The following C1orf146 variants were observed in gnomAD, a reference collection of about 807,000 sequenced individuals.
The protein encoded by C1orf146 is protein SPO16 homolog.
In C1orf146, 22 loss-of-function variants were observed where a neutral mutation model predicts 23.0. The observed-to-expected ratio is 0.96, with a 90% CI of 0.68 to 1.36. The LOEUF (loss-of-function observed/expected upper bound fraction) is 1.36. Among genes scored for constraint, C1orf146 ranks in the 40% most tolerant of loss-of-function variants. C1orf146 has a pLI of 0.00. For synonymous variants in C1orf146, 59 were observed against 65.3 expected (o/e 0.90, Z 0.47); for missense variants, 199 against 206.8 (o/e 0.96, Z 0.23).
intron 2 of C1orf146, among the ~76,000 whole-genome samples, chr1:92,237,519 G>T (rs575935714): frequency 2.6e-3 from 395 of 152,300 alleles, no homozygotes; most frequent in African/African-American, 9.1e-3. Context: ...TGCCCCTACT[G>T]GGGGGTGCCT....
intron 1 of C1orf146, among the ~76,000 whole-genome samples, chr1:92,226,079 G>T (rs1194451055): frequency 2.0e-5 from 3 of 152,130 alleles, no homozygotes; most frequent in African/African-American, 7.2e-5. Context: ...GTGATTTTTA[G>T]TACATCCACT....
intron 1 of C1orf146, among the ~76,000 whole-genome samples, chr1:92,228,265 A>G (rs983897501): frequency 1.1e-4 from 17 of 152,120 alleles, no homozygotes; most frequent in African/African-American, 3.6e-4. Flanking sequence ...AAATGCTCCA[A>G]TTGTCATATA....
intron 3 of C1orf146, among the ~76,000 whole-genome samples, chr1:92,243,472 C>T (rs939211971): frequency 1.4e-4 from 21 of 152,102 alleles, no homozygotes; most frequent in Non-Finnish European, 2.9e-5. Context: ...TCAGCCTCCT[C>T]AGTAGCTGTG....
At chr1:92,239,951 A>C (rs1038788264) in intron 2 of C1orf146, among the ~76,000 whole-genome samples, 8 of 152,158 alleles carry the variant, frequency 5.3e-5, no homozygotes, top group Non-Finnish European at 7.3e-5. Flanking sequence ...GTTGTATCCT[A>C]TACATCTAGA....
chr1:92,245,735 T>C lies in C1orf146; in HGVS notation c.*61T>C, dbSNP rs1046404582. 1.0e-6 allele frequency: 1 copy of C among 985,430 alleles called. No homozygotes were observed. Among genetic ancestry groups the C allele is most frequent in the African/African-American group, 1.7e-5 (1 of 59,230 alleles). 61.0% of individuals were successfully genotyped at this position (985,430 alleles called of 1,614,324 possible). ...AATAATTAGACCTGTTAAATTATAA[T>C]ATTCAAATATCTATTTAAAGACATT... On this transcript the variant is annotated 3_prime_UTR_variant, in exon 6 of 6. Transcript: ENST00000370375.
intron 2 of C1orf146, among the ~76,000 whole-genome samples, chr1:92,234,650 C>T (rs1438431084): frequency 6.6e-6 from 1 of 152,210 alleles, no homozygotes; most frequent in Non-Finnish European, 1.5e-5. Flanking sequence ...AGGATTCCCT[C>T]TTTTTCTATT....
In C1orf146 at chr1:92,244,228, T is replaced by G. The variant is rs1652508213; in HGVS notation, c.172T>G (p.Leu58Val). The change falls in exon 4 of 6, where the codon TTA becomes GTA. Residue 58 changes from leucine to valine, a missense_variant. By Grantham distance (32) the Leu-to-Val change is conservative. Transcript: ENST00000370375. The stretch of plus-strand genomic sequence containing the variant: ...TTCACCTTTCCTAGGAGTTGCATTT[T>G]TATTAATGGATACTAAGGAATGTCT... ...IIFSLSGVAF[L>V]LMDTKECLLS... is the part of the protein sequence containing the mutation. 1 of 1,588,174 alleles carries G rather than the reference T, an allele frequency of 6.3e-7. No individual in the cohort carries two copies. Among genetic ancestry groups the G allele is most frequent in the East Asian group, 2.2e-5 (1 of 44,694 alleles).
At chr1:92,235,204 G>T in intron 2 of C1orf146, among the ~76,000 whole-genome samples, 1 of 151,592 alleles carries the variant, frequency 6.6e-6, no homozygotes, top group Admixed American at 6.6e-5. Flanking sequence ...GTGATGTTAG[G>T]GTGTCAGTTT....
chr1:92,228,962 A>G, intron 1 of C1orf146: 1 of 436,510 alleles, frequency 2.3e-6, no homozygotes, highest in Non-Finnish European at 4.5e-6. Context: ...ACAAATTTAT[A>G]CTTCTGAATT....
intron 2 of C1orf146, among the ~76,000 whole-genome samples, chr1:92,232,882 T>G (rs1277115530): frequency 6.6e-6 from 1 of 152,338 alleles, no homozygotes; most frequent in East Asian, 1.9e-4. Context: ...TTTTTTCATG[T>G]GTTTTTTGGC....
chr1:92,238,275 T>C (rs1247263980), intron 2 of C1orf146, among the ~76,000 whole-genome samples: 1 of 152,210 alleles, frequency 6.6e-6, no homozygotes, highest in Non-Finnish European at 1.5e-5. Flanking sequence ...AGATGTTACA[T>C]ATGCAGGAAG....
intron 1 of C1orf146, 58 bp from the exon 2 acceptor site, chr1:92,231,324 T>C (rs1274326249): frequency 1.3e-5 from 10 of 797,420 alleles, no homozygotes; most frequent in African/African-American, 1.8e-5. Flanking sequence ...ATTTCCATCT[T>C]TAATTTACTC....
intron 1 of C1orf146, chr1:92,229,196 C>T: frequency 1.9e-6 from 1 of 540,042 alleles, no homozygotes; most frequent in Non-Finnish European, 3.7e-6. Context: ...CAGTGATTGC[C>T]TTCTGCATCC....
intron 2 of C1orf146, among the ~76,000 whole-genome samples, chr1:92,238,604 ATT>A (rs151261002): frequency 3.4e-5 from 5 of 149,032 alleles, no homozygotes; most frequent in Non-Finnish European, 4.5e-5. Flanking sequence ...TAATTTTACC[ATT>A]TTTTTTTTAA....
intron 2 of C1orf146, among the ~76,000 whole-genome samples, chr1:92,237,492 C>T (rs979270824): frequency 5.3e-5 from 8 of 152,138 alleles, no homozygotes; most frequent in African/African-American, 1.9e-4. Context: ...AGTACCCGGC[C>T]GTATGAGGTG....
At position 92,244,200 on chromosome 1, in the gene C1orf146, C is replaced by T; in HGVS notation, c.161-17C>T. 1 of 1,535,714 alleles carries T rather than the reference C, an allele frequency of 6.5e-7. No homozygotes were observed. Among genetic ancestry groups the T allele is most frequent in the East Asian group, 2.3e-5 (1 of 44,324 alleles). On this transcript the variant is annotated splice_polypyrimidine_tract_variant and intron_variant, in intron 3 of 5. Coordinates refer to ENST00000370375, the MANE Select transcript of C1orf146 (RefSeq NM_001012425.2). The stretch of plus-strand genomic sequence containing the variant: ...CTATAACAAAGTGACATTTTATATT[C>T]AATTCACCTTTCCTAGGAGTTGCAT...
chr1:92,233,901 GCTCT>G (rs1652202425), intron 2 of C1orf146, among the ~76,000 whole-genome samples: 2 of 152,046 alleles, frequency 1.3e-5, no homozygotes, highest in Admixed American at 1.3e-4. Context: ...TCATGATTTG[GCTCT>G]CTGTTTGTCT....
intron 2 of C1orf146, among the ~76,000 whole-genome samples, chr1:92,240,037 G>C (rs1345871808): frequency 6.6e-6 from 1 of 152,172 alleles, no homozygotes; most frequent in Non-Finnish European, 1.5e-5. Flanking sequence ...CATTTTCTTT[G>C]TTCCATAATT....
At chr1:92,222,530 C>T (rs1198600916) in intron 1 of C1orf146, among the ~76,000 whole-genome samples, 28 of 98,816 alleles carry the variant, frequency 2.8e-4, no homozygotes, top group African/African-American at 9.0e-4. Flanking sequence ...ATTATCCCTT[C>T]TTCGGTTTTT....
Sources: gnomAD v4.1 joint callset for allele counts (sites outside exome capture counted in the v4.1 genomes callset) on GRCh38, gnomAD v4.1.1 for gene constraint, MANE v1.5 for transcripts, NCBI Gene and HGNC (gene_info 2026-07-23, HGNC 2026-07-21) for gene names.